Variants in FGF13 observed in about 807,000 individuals in gnomAD.
FGF13 encodes fibroblast growth factor 13, also known as fibroblast growth factor homologous factor 2.
A neutral mutation model predicts 19.5 loss-of-function variants in FGF13; 2 were observed. That is an observed-to-expected ratio of 0.10 (90% CI 0.04 to 0.32). FGF13 has a LOEUF of 0.32. Ranked by LOEUF, FGF13 falls within the 10% of genes least tolerant of loss-of-function variation. The pLI, the probability that FGF13 is intolerant of heterozygous loss-of-function variation, is 1.00. For missense variants in FGF13, 113 were observed against 192.7 expected (o/e 0.59, Z 2.45); for synonymous variants, 72 against 76.9 (o/e 0.94, Z 0.33).
chrX:139,175,735 T>A (rs770091829), intron 1 of FGF13, among the ~76,000 whole-genome samples: 1 of 112,175 alleles, frequency 8.9e-6, no homozygotes, highest in Non-Finnish European at 1.9e-5. Flanking sequence ...CAGCCTTGCA[T>A]CCCAGGGATG....
At chrX:138,989,759 A>AC (rs1420426663) in intron 1 of FGF13, among the ~76,000 whole-genome samples, 1 of 110,895 alleles carries the variant, frequency 9.0e-6, no homozygotes, top group African/African-American at 3.3e-5. Flanking sequence ...ACTGAAAAAA[A>AC]AAAATAGGTA....
chrX:138,711,304 G>C lies in FGF13; in HGVS notation c.-301C>G. 1 of 899,392 alleles carries C rather than the reference G, an allele frequency of 1.1e-6. No homozygotes were observed. The allele number at this position is 899,392 out of a possible 1,213,427, so 74.1% of individuals were successfully genotyped here. On this transcript the variant is annotated 5_prime_UTR_variant, in exon 1 of 5. Coordinates refer to ENST00000315930, the MANE Select transcript of FGF13 (RefSeq NM_004114.5). ...GACTGGCACGCGGATGCTGAACTGC[G>C]CGACTGCGTGTGGTCGGCCCCTGCG...
intron 3 of FGF13, among the ~76,000 whole-genome samples, chrX:138,771,421 T>C (rs1000675544): frequency 8.9e-6 from 1 of 111,920 alleles, no homozygotes; most frequent in Non-Finnish European, 1.9e-5. Flanking sequence ...AGATAAATGA[T>C]ACATTTTTTA....
At position 139,133,997 on chromosome X, in the gene FGF13, G is replaced by C. The variant is rs1365057732; in HGVS notation, c.-113+69419C>G. Among the ~76,000 whole-genome samples the C allele has an allele frequency of 2.7e-5, 3 of 111,245 alleles. No individual in the cohort carries two copies. In the East Asian group the frequency reaches 8.5e-4, roughly 32 times the overall value. On this transcript the variant is annotated intron_variant, in intron 1 of 2. Coordinates refer to the FGF13 transcript ENST00000421460. ...TCAGGCCACACTTGTCTTCCATCTT[G>C]GATACCATGGTCCCTGACTTCAATA...
chrX:138,705,166 G>A (rs956502165), intron 2 of FGF13, among the ~76,000 whole-genome samples: 2 of 111,732 alleles, frequency 1.8e-5, no homozygotes, highest in African/African-American at 3.2e-5. Context: ...TTGACACCTA[G>A]TTTAGTCATA....
At chrX:138,773,607 C>T (rs958139032) in intron 3 of FGF13, among the ~76,000 whole-genome samples, 5 of 112,184 alleles carry the variant, frequency 4.5e-5, no homozygotes, top group African/African-American at 1.6e-4. Context: ...GCATTAAAAA[C>T]AAAGTGAAAT....
chrX:139,100,065 C>T (rs111647188), intron 1 of FGF13, among the ~76,000 whole-genome samples: 2 of 107,582 alleles, frequency 1.9e-5, no homozygotes, highest in African/African-American at 6.9e-5. Context: ...CACACACACA[C>T]ACACACACAC....
chrX:138,755,804 T>C lies in FGF13; in HGVS notation c.218-46876A>G, dbSNP rs781090638. ...AAAAGAATCAGGGCTCTCTGATAAC[T>C]GTATGCAGTGTGTTATGGATTGAAT... On this transcript the variant is annotated intron_variant, in intron 3 of 6. Transcript: ENST00000436198. Among the ~76,000 whole-genome samples, 147 of 112,245 alleles carry C rather than the reference T, an allele frequency of 1.3e-3. 1 individual carries two copies. Among genetic ancestry groups the C allele is most frequent in the African/African-American group, 4.5e-3 (139 of 30,949 alleles).
intron 3 of FGF13, among the ~76,000 whole-genome samples, chrX:138,836,929 G>A (rs1369966545): frequency 9.3e-6 from 1 of 107,020 alleles, no homozygotes; most frequent in Non-Finnish European, 1.9e-5. Flanking sequence ...CCATAGGGCT[G>A]TTGTGGTATT....
chrX:138,773,677 C>A (rs933236119), intron 3 of FGF13, among the ~76,000 whole-genome samples: 1 of 112,030 alleles, frequency 8.9e-6, no homozygotes, highest in Non-Finnish European at 1.9e-5. Context: ...GCTGTCAATA[C>A]CTTTGCCATG....
rs757062675 is a variant in FGF13 at position 139,115,659 on chromosome X, C to T, written c.-113+87757G>A. ...AGGAAACATATTTAAGCTACTACTT[C>T]GAAAGATTTCTGTTATCTAGAGTTG... On this transcript the variant is annotated intron_variant, in intron 1 of 2. Coordinates refer to the FGF13 transcript ENST00000421460. Among the ~76,000 whole-genome samples the T allele has an allele frequency of 1.2e-4, 13 of 112,557 alleles. No homozygotes were observed. The South Asian group carries it at 3.6e-3, about 31-fold the overall frequency.
chrX:138,979,227 AG>A (rs1243229031), intron 1 of FGF13, among the ~76,000 whole-genome samples: 2 of 111,808 alleles, frequency 1.8e-5, no homozygotes, highest in Admixed American at 9.5e-5. Flanking sequence ...GGACAGATTA[AG>A]GAGACACCAT....
chrX:138,680,100 G>A, intron 3 of FGF13, among the ~76,000 whole-genome samples: 1 of 112,033 alleles, frequency 8.9e-6, no homozygotes, highest in South Asian at 3.7e-4. Context: ...ATTTTGTCAT[G>A]AGTTTTATCA....
intron 1 of FGF13, among the ~76,000 whole-genome samples, chrX:138,887,751 C>T (rs148753164): frequency 0.049 from 5,484 of 111,822 alleles, 128 homozygotes; most frequent in Non-Finnish European, 0.074. Context: ...ATGATAGTTA[C>T]CCTGCCTCCC....
intron 1 of FGF13, among the ~76,000 whole-genome samples, chrX:138,733,294 C>T: frequency 9.0e-6 from 1 of 111,388 alleles, no homozygotes. Flanking sequence ...AATATGTATT[C>T]ATGTAAAAAT....
chrX:138,810,946 C>G (rs1180481563), intron 3 of FGF13, among the ~76,000 whole-genome samples: 2 of 111,738 alleles, frequency 1.8e-5, no homozygotes, highest in East Asian at 5.7e-4. Context: ...CAGGAAACAA[C>G]AGGTGCTGGA....
chrX:139,182,687 C>G (rs1256810926), intron 1 of FGF13, among the ~76,000 whole-genome samples: 2 of 111,243 alleles, frequency 1.8e-5, no homozygotes, highest in Non-Finnish European at 3.8e-5. Context: ...ACTTAGAAAC[C>G]AAGTATGTAG....
chrX:138,696,835 T>A (rs1264148346), intron 3 of FGF13, among the ~76,000 whole-genome samples: 1 of 112,227 alleles, frequency 8.9e-6, no homozygotes, highest in Non-Finnish European at 1.9e-5. Context: ...TCCCTATTCA[T>A]CAGCAAAAGC....
chrX:138,890,041 G>C (rs1241935401), intron 1 of FGF13, among the ~76,000 whole-genome samples: 1 of 108,875 alleles, frequency 9.2e-6, no homozygotes, highest in Non-Finnish European at 1.9e-5. Context: ...CGATTCTCCT[G>C]CCTCGGCCTC....
Sources: allele counts gnomAD v4.1 joint callset (sites outside exome capture counted in the v4.1 genomes callset), GRCh38; gene constraint gnomAD v4.1.1; transcripts MANE v1.5; gene names NCBI Gene and HGNC (gene_info 2026-07-23, HGNC 2026-07-21).